The following PTPRQ variants were observed in gnomAD, a reference collection of about 807,000 sequenced individuals.
The protein encoded by PTPRQ is protein tyrosine phosphatase receptor type Q, also known as phosphatidylinositol phosphatase PTPRQ.
PTPRQ carries 199 observed loss-of-function variants against 246.0 expected under a neutral mutation model. The observed-to-expected ratio is 0.81, with a 90% CI of 0.72 to 0.91. The LOEUF (loss-of-function observed/expected upper bound fraction) is 0.91. Ranked by LOEUF, PTPRQ falls within the 40% of genes least tolerant of loss-of-function variation. The pLI, the probability that PTPRQ is intolerant of heterozygous loss-of-function variation, is 0.00. For synonymous variants in PTPRQ, 869 were observed against 853.2 expected (o/e 1.02, Z -0.32); for missense variants, 2,624 against 2,528.4 (o/e 1.04, Z -0.81).
rs143320427 is a variant in PTPRQ at position 80,524,670 on chromosome 12, A to G, written c.2679-9345A>G. ...GGATTGTATTTTTAGCTTACCGTGT[A>G]CTAGTTACCATTTTGAGACAAATGT... On this transcript the variant is annotated intron_variant, in intron 17 of 44. Coordinates refer to ENST00000644991, the MANE Select transcript of PTPRQ (RefSeq NM_001145026.2). Among the ~76,000 whole-genome samples the G allele has an allele frequency of 5.1e-3, 776 of 152,214 alleles. 6 individuals are homozygous for G. The highest frequency in any genetic ancestry group is 7.7e-3 in the Non-Finnish European group (525 of 67,992).
At chr12:80,524,505 G>A (rs1895620541) in intron 17 of PTPRQ, among the ~76,000 whole-genome samples, 1 of 152,034 alleles carries the variant, frequency 6.6e-6, no homozygotes, top group Non-Finnish European at 1.5e-5. Flanking sequence ...ACAGAATATT[G>A]CACAATTTTA....
chr12:80,613,759 A>G lies in PTPRQ; in HGVS notation c.5086A>G (p.Ser1696Gly), dbSNP rs1898643702. The G allele has an allele frequency of 6.5e-7, 1 of 1,544,460 alleles. No homozygotes were observed. Among genetic ancestry groups the G allele is most frequent in the African/African-American group, 1.4e-5 (1 of 72,460 alleles). Reference sequence around the variant, plus strand: ...TACTGCTGTCCAGATTCACAACCTCAGTATTATACAGAAAACCAACACATT... The same window carrying G: ...TACTGCTGTCCAGATTCACAACCTCGGTATTATACAGAAAACCAACACATT... ...DPTAVQIHNL[S>G]IIQKTNTFVI... Residue 1696 changes from serine to glycine, a missense_variant, in exon 29 of 45, where the codon AGT (serine) becomes GGT (glycine). Coordinates refer to ENST00000644991, the MANE Select transcript of PTPRQ (RefSeq NM_001145026.2).
intron 24 of PTPRQ, among the ~76,000 whole-genome samples, chr12:80,548,816 G>A (rs954755032): frequency 2.0e-5 from 3 of 152,062 alleles, no homozygotes; most frequent in Non-Finnish European, 4.4e-5. Flanking sequence ...CTAGGATATT[G>A]TTCTTTGACC....
chr12:80,674,967 A>G (rs1901089509), intron 43 of PTPRQ, among the ~76,000 whole-genome samples: 1 of 152,158 alleles, frequency 6.6e-6, no homozygotes, highest in Non-Finnish European at 1.5e-5. Context: ...TGCATGATAA[A>G]TATTATCTTT....
intron 39 of PTPRQ, among the ~76,000 whole-genome samples, chr12:80,659,631 T>G (rs1592768681): frequency 6.6e-6 from 1 of 152,042 alleles, no homozygotes; most frequent in East Asian, 1.9e-4. Flanking sequence ...CAAAGTAATT[T>G]TCGCAAACCC....
intron 39 of PTPRQ, among the ~76,000 whole-genome samples, chr12:80,658,618 G>A (rs1461884876): frequency 1.3e-5 from 2 of 152,026 alleles, no homozygotes; most frequent in Non-Finnish European, 2.9e-5. Flanking sequence ...ATTCCTGTCA[G>A]CCTCTTTTGG....
intron 35 of PTPRQ, among the ~76,000 whole-genome samples, chr12:80,642,930 A>C (rs1189714337): frequency 6.9e-6 from 1 of 143,900 alleles, no homozygotes; most frequent in Non-Finnish European, 1.5e-5. Context: ...AAAAAAAAAA[A>C]AAAAAAAAAA....
At chr12:80,584,933 A>G (rs1897562404) in intron 25 of PTPRQ, among the ~76,000 whole-genome samples, 1 of 151,956 alleles carries the variant, frequency 6.6e-6, no homozygotes, top group Non-Finnish European at 1.5e-5. Flanking sequence ...TCTTCATGAT[A>G]GGTAAAGATA....
At chr12:80,575,729 C>T (rs1007858287) in intron 25 of PTPRQ, among the ~76,000 whole-genome samples, 5 of 150,310 alleles carry the variant, frequency 3.3e-5, no homozygotes, top group South Asian at 2.1e-4. Flanking sequence ...ATCCCAGCTG[C>T]TCAGGAGGGT....
chr12:80,475,421 AAAT>A (rs1392636592), intron 8 of PTPRQ, among the ~76,000 whole-genome samples: 2 of 152,114 alleles, frequency 1.3e-5, no homozygotes, highest in African/African-American at 4.8e-5. Context: ...TAAAATTTGT[AAAT>A]GTATCGACTT....
At chr12:80,631,574 G>T (rs2121167223) in intron 33 of PTPRQ, among the ~76,000 whole-genome samples, 1 of 152,116 alleles carries the variant, frequency 6.6e-6, no homozygotes, top group Middle Eastern at 3.4e-3. Context: ...TATATGTCTT[G>T]AATTTGTTTA....
intron 16 of PTPRQ, among the ~76,000 whole-genome samples, chr12:80,509,830 A>T (rs761659171): frequency 5.3e-5 from 8 of 152,110 alleles, no homozygotes; most frequent in Non-Finnish European, 7.4e-5. Flanking sequence ...TTAATGACAC[A>T]ACAGAGATTG....
At chr12:80,525,830 T>C (rs1048654830) in intron 17 of PTPRQ, 3 of 152,126 alleles carry the variant, frequency 2.0e-5, no homozygotes, top group African/African-American at 7.2e-5. Flanking sequence ...CTGATTATTA[T>C]TATAATACGT....
chr12:80,588,191 T>A lies in PTPRQ; in HGVS notation c.4348T>A (p.Trp1450Arg). Residue 1450 changes from tryptophan to arginine, a missense_variant, in exon 26 of 45, where the codon TGG becomes AGG. Physicochemically the swap from Trp to Arg is moderately radical, Grantham distance 101. Transcript: ENST00000644991. ...DVQSTSATLT[W>R]IRPDTILGYF... Reference sequence around the variant, plus strand: ...TCAGTCAACTAGTGCAACATTGACATGGATAAGACCTGACACTATCCTTGG... The same window carrying A: ...TCAGTCAACTAGTGCAACATTGACAAGGATAAGACCTGACACTATCCTTGG... 1 of 1,549,856 alleles carries A rather than the reference T, an allele frequency of 6.5e-7. No individual in the cohort carries two copies. The highest frequency in any genetic ancestry group is 8.7e-7 in the Non-Finnish European group (1 of 1,146,000).
chr12:80,484,821 A>G (rs1421682865), intron 9 of PTPRQ, among the ~76,000 whole-genome samples: 1 of 152,132 alleles, frequency 6.6e-6, no homozygotes, highest in Non-Finnish European at 1.5e-5. Flanking sequence ...TCATCATATG[A>G]AAAATGTTAA....
At chr12:80,678,845 G>A in intron 44 of PTPRQ, 120 bp downstream of exon 44, 3 of 1,430,438 alleles carry the variant, frequency 2.1e-6, no homozygotes, top group Non-Finnish European at 2.7e-6. Context: ...CACAGATCAG[G>A]TTTTTTTTCT....
chr12:80,458,413 T>C (rs777075153), intron 4 of PTPRQ, among the ~76,000 whole-genome samples: 1 of 152,132 alleles, frequency 6.6e-6, no homozygotes. Context: ...CTTCCAAAGA[T>C]CTAACTTTCT....
At chr12:80,642,948 A>G (rs867607923) in intron 35 of PTPRQ, among the ~76,000 whole-genome samples, 1 of 147,936 alleles carries the variant, frequency 6.8e-6, no homozygotes, top group Non-Finnish European at 1.5e-5. Context: ...AAAAAAAAAC[A>G]ATTGAGTATC....
chr12:80,472,692 T>C (rs577229587), intron 8 of PTPRQ, among the ~76,000 whole-genome samples: 1 of 152,334 alleles, frequency 6.6e-6, no homozygotes, highest in South Asian at 2.1e-4. Flanking sequence ...CAAGTGAAGA[T>C]TCTGAGTGGA....
Sources: gnomAD v4.1 joint callset for allele counts (sites outside exome capture counted in the v4.1 genomes callset) on GRCh38, gnomAD v4.1.1 for gene constraint, MANE v1.5 for transcripts, NCBI Gene and HGNC (gene_info 2026-07-23, HGNC 2026-07-21) for gene names.